The following IGDCC4 variants were observed in gnomAD, a reference collection of about 807,000 sequenced individuals.
IGDCC4 encodes the protein immunoglobulin superfamily DCC subclass member 4.
IGDCC4 carries 72 observed loss-of-function variants against 116.6 expected under a neutral mutation model. The observed-to-expected ratio is 0.62, with a 90% CI of 0.51 to 0.75. The LOEUF (loss-of-function observed/expected upper bound fraction) is 0.75. IGDCC4 is among the 30% of genes least tolerant of loss of function. The pLI is 0.00. For synonymous variants in IGDCC4, 709 were observed against 719.9 expected, an observed-to-expected ratio of 0.98 and a Z score of 0.24; for missense variants, 1,501 against 1,662.4, an observed-to-expected ratio of 0.90 and a Z score of 1.69.
At chr15:65,405,373 C>T (rs2063031903) in intron 3 of IGDCC4, among the ~76,000 whole-genome samples, 2 of 150,614 alleles carry the variant, frequency 1.3e-5, no homozygotes, top group Admixed American at 6.6e-5. Flanking sequence ...ATGTAAATTG[C>T]TAATAATCTG....
chr15:65,409,949 C>T (rs111979177), intron 3 of IGDCC4, among the ~76,000 whole-genome samples: 2,118 of 152,302 alleles, frequency 0.014, 30 homozygotes, highest in South Asian at 0.048. Flanking sequence ...TCTACTACTA[C>T]ACCTACCCAG....
chr15:65,421,475 T>A (rs28665840), intron 1 of IGDCC4, among the ~76,000 whole-genome samples: 1 of 151,976 alleles, frequency 6.6e-6, no homozygotes, highest in African/African-American at 2.4e-5. Context: ...CTTAATCCGC[T>A]GTTGGGGCTG....
In IGDCC4 at chr15:65,382,099, A is replaced by C; in HGVS notation, c.*1910T>G. On this transcript the variant is annotated 3_prime_UTR_variant, in exon 20 of 20. Coordinates refer to ENST00000352385, the MANE Select transcript of IGDCC4 (RefSeq NM_020962.3). ...GGCAGTTTTTTTTTCTTCTTTAAAA[A>C]AAAAAAATCAAACCAGCAAAATAAA... 1 of 152,520 alleles carries C rather than the reference A, an allele frequency of 6.6e-6. No homozygotes were observed. Among genetic ancestry groups the C allele is most frequent in the East Asian group, 1.9e-4 (1 of 5,206 alleles). The allele number at this position is 152,520 out of a possible 1,614,324, so 9.4% of individuals were successfully genotyped here. A position where few individuals can be genotyped will look rare whatever the true frequency, so the allele number is the denominator to read the frequency against.
chr15:65,402,727 C>T (rs1242992088), intron 3 of IGDCC4, among the ~76,000 whole-genome samples: 10 of 152,054 alleles, frequency 6.6e-5, no homozygotes, highest in Non-Finnish European at 1.2e-4. Context: ...ATTAGCCGGG[C>T]GTAGTGGTGC....
chr15:65,402,338 C>T lies in IGDCC4; in HGVS notation c.700+13G>A, dbSNP rs1377553548. 5.8e-6 allele frequency: 9 copies of T among 1,557,938 alleles called. No homozygotes were observed. Among genetic ancestry groups the T allele is most frequent in the South Asian group, 1.2e-5 (1 of 84,354 alleles). Reference sequence around the variant, plus strand: ...GAAACCCCCAGGTTTCCCCACCCAGCCAGCCCCCTTACCTCTGTGGGCCAC... The same window carrying T: ...GAAACCCCCAGGTTTCCCCACCCAGTCAGCCCCCTTACCTCTGTGGGCCAC... On this transcript the variant is annotated intron_variant, in intron 4 of 19. Transcript: ENST00000352385.
Position 65,390,232 on chromosome 15 carries a change from T to A in IGDCC4, c.2331A>T (p.Thr777=). Residue 777 remains threonine (T), a synonymous_variant, in exon 13 of 20, where the codon ACA becomes ACT. Coordinates refer to ENST00000352385, the MANE Select transcript of IGDCC4 (RefSeq NM_020962.3). ...GCACAGTGTAGTTGACAATCTTGAC[T>A]GTGGTGAAATCTGGCTTTTTCCACC... is the stretch of plus-strand genomic sequence containing the variant. ...WLRWKKPDFT[T]VKIVNYTVRF... 6.2e-7 allele frequency: 1 copy of A among 1,613,502 alleles called. No individual in the cohort carries two copies. The highest frequency in any genetic ancestry group is 8.5e-7 in the Non-Finnish European group (1 of 1,179,514).
intron 6 of IGDCC4, 199 bp from the exon 7 acceptor site, chr15:65,396,362 C>T (rs1185764737): frequency 1.4e-6 from 1 of 710,808 alleles, no homozygotes; most frequent in South Asian, 1.5e-5. Flanking sequence ...ACCCCAGCCC[C>T]ACAACGACCA....
At chr15:65,405,076 A>G (rs1334366230) in intron 3 of IGDCC4, among the ~76,000 whole-genome samples, 3 of 146,634 alleles carry the variant, frequency 2.0e-5, no homozygotes, top group Non-Finnish European at 4.5e-5. Flanking sequence ...CTTTGCTAAA[A>G]TGTGTTTTTA....
Position 65,383,871 on chromosome 15 carries a change from C to T in IGDCC4, c.*138G>A, listed in dbSNP as rs186342912. The T allele has an allele frequency of 1.4e-5, 11 of 761,412 alleles. No homozygotes were observed. In the Admixed American group the frequency reaches 1.6e-4, roughly 11 times the overall value. The allele number at this position is 761,412 out of a possible 1,614,324, so 47.2% of individuals were successfully genotyped here. On this transcript the variant is annotated 3_prime_UTR_variant, in exon 20 of 20. Coordinates refer to ENST00000352385, the MANE Select transcript of IGDCC4 (RefSeq NM_020962.3). Reference sequence around the variant, plus strand: ...TGAATAATCCATGTTTTCCTCTCCCCTCAGCCAAAGCAACTTAGGAAGCTC... The same window carrying T: ...TGAATAATCCATGTTTTCCTCTCCCTTCAGCCAAAGCAACTTAGGAAGCTC...
chr15:65,392,458 G>C, intron 10 of IGDCC4, 88 bp from the exon 11 acceptor site: 1 of 1,022,826 alleles, frequency 9.8e-7, no homozygotes. Context: ...CAGGGAAGAG[G>C]CATGAGGAAG....
rs1263728201 is a variant in IGDCC4, at chr15:65,410,784, A to G, written c.421+236T>C. On this transcript the variant is annotated intron_variant, in intron 2 of 19. Transcript: ENST00000352385. Reference sequence around the variant, plus strand: ...CACAAGCCCAGACTCTAGGACTCAAAGGGAAAGAAAAGCAGAAGGAACAGG... The same window carrying G: ...CACAAGCCCAGACTCTAGGACTCAAGGGGAAAGAAAAGCAGAAGGAACAGG... 5.5e-6 allele frequency: 3 copies of G among 548,720 alleles called. No homozygotes were observed. In the East Asian group the frequency reaches 9.2e-5, roughly 17 times the overall value. 34.0% of individuals were successfully genotyped at this position (548,720 alleles called of 1,614,324 possible). A position where few individuals can be genotyped will look rare whatever the true frequency, so the allele number is the denominator to read the frequency against.
Position 65,396,897 on chromosome 15 carries a change from A to G in IGDCC4, c.934T>C (p.Cys312Arg). Reference protein sequence around the residue: ...AQPWHSGVYVCRANKPRTRDF... With the variant: ...AQPWHSGVYVRRANKPRTRDF... ...CGCGTGCGGGGCTTGTTGGCGCGGC[A>G]GACATAGACGCCGGAGTGCCAGGGC... The change falls in exon 6 of 20, where the codon TGC becomes CGC. Residue 312 changes from cysteine to arginine, a missense_variant. Physicochemically the swap from Cys to Arg is radical, Grantham distance 180. Coordinates refer to ENST00000352385, the MANE Select transcript of IGDCC4 (RefSeq NM_020962.3). 6.3e-7 allele frequency: 1 copy of G among 1,574,806 alleles called. No homozygotes were observed. The highest frequency in any genetic ancestry group is 1.8e-5 in the Admixed American group (1 of 54,192).
chr15:65,411,924 C>T (rs796517786), intron 1 of IGDCC4, among the ~76,000 whole-genome samples: 7 of 152,230 alleles, frequency 4.6e-5, no homozygotes, highest in Admixed American at 2.6e-4. Flanking sequence ...GGTTGCACAA[C>T]GTTGTGAATA....
At position 65,383,589 on chromosome 15, in the gene IGDCC4, T is replaced by G; in HGVS notation, c.*420A>C. 2 of 157,682 alleles carry G rather than the reference T, an allele frequency of 1.3e-5. No individual in the cohort carries two copies. The highest frequency in any genetic ancestry group is 2.8e-5 in the Non-Finnish European group (2 of 71,986). The allele number at this position is 157,682 out of a possible 1,614,324, so 9.8% of individuals were successfully genotyped here. ...TGGGACTGTCTTTGTCAGACAGGCA[T>G]TGGAGACACTCTCAGAGTGTGTAAT... On this transcript the variant is annotated 3_prime_UTR_variant, in exon 20 of 20. Coordinates refer to ENST00000352385, the MANE Select transcript of IGDCC4 (RefSeq NM_020962.3).
intron 2 of IGDCC4, chr15:65,410,536 C>A (rs2063081258): frequency 1.7e-6 from 1 of 593,230 alleles, no homozygotes; most frequent in East Asian, 2.9e-5. Flanking sequence ...CCCTGCCCAA[C>A]ATCATCATGA....
At chr15:65,416,800 G>A (rs570126927) in intron 1 of IGDCC4, among the ~76,000 whole-genome samples, 4 of 152,252 alleles carry the variant, frequency 2.6e-5, no homozygotes, top group East Asian at 1.9e-4. Context: ...GAACCCTAGG[G>A]CCACCTCTCA....
At chr15:65,404,969 T>A (rs1242744588) in intron 3 of IGDCC4, among the ~76,000 whole-genome samples, 4 of 152,174 alleles carry the variant, frequency 2.6e-5, no homozygotes. Context: ...GGGAGATTGC[T>A]TGAGACCGGG....
intron 3 of IGDCC4, among the ~76,000 whole-genome samples, chr15:65,405,636 T>C (rs376722994): frequency 1.3e-5 from 2 of 152,206 alleles, no homozygotes; most frequent in African/African-American, 4.8e-5. Flanking sequence ...TCTGAACACA[T>C]GTTTACAATG....
intron 16 of IGDCC4, 150 bp downstream of exon 16, chr15:65,388,299 T>C: frequency 2.0e-6 from 2 of 1,000,552 alleles, no homozygotes; most frequent in Non-Finnish European, 3.0e-6. Flanking sequence ...AATCAAGTTA[T>C]CACTGAACCA....
Sources: gnomAD v4.1 joint callset for allele counts (sites outside exome capture counted in the v4.1 genomes callset) on GRCh38, gnomAD v4.1.1 for gene constraint, MANE v1.5 for transcripts, NCBI Gene and HGNC (gene_info 2026-07-23, HGNC 2026-07-21) for gene names.